Variants in PDZK1 observed in about 807,000 individuals in gnomAD.
PDZK1 encodes Na(+)/H(+) exchange regulatory cofactor NHE-RF3.
A neutral mutation model predicts 38.1 loss-of-function variants in PDZK1; 23 were observed. The ratio of observed to expected loss-of-function variants is 0.60; its 90% confidence interval spans 0.43 to 0.85. PDZK1 has a LOEUF of 0.85. Among genes scored for constraint, PDZK1 ranks in the 40% least tolerant of loss-of-function variants. The pLI is 0.00. For synonymous variants in PDZK1, 98 were observed against 186.2 expected (o/e 0.53, Z 3.86); for missense variants, 297 against 504.3 (o/e 0.59, Z 3.94).
intron 3 of PDZK1, among the ~76,000 whole-genome samples, chr1:145,686,263 G>A (rs1158244814): frequency 6.6e-6 from 1 of 152,102 alleles, no homozygotes; most frequent in Non-Finnish European, 1.5e-5. Context: ...CCCCACTGCT[G>A]TCCAGTGTCC....
chr1:145,687,074 G>A (rs1654838757), intron 2 of PDZK1, among the ~76,000 whole-genome samples: 1 of 152,106 alleles, frequency 6.6e-6, no homozygotes, highest in African/African-American at 2.4e-5. Context: ...CATGCTTTTG[G>A]AGTCAGGCAG....
rs1375750521 is a variant in PDZK1, at chr1:145,697,063, C to T, written c.-2-9040G>A. On this transcript the variant is annotated intron_variant, in intron 1 of 8. Coordinates refer to ENST00000417171, the MANE Select transcript of PDZK1 (RefSeq NM_001201325.2). ...AAAAAGGAGGCTGGATGCGGTGGCT[C>T]ACACCTGTAATTCCAGTACTTTGGG... Among the ~76,000 whole-genome samples, 6 of 152,286 alleles carry T rather than the reference C, an allele frequency of 3.9e-5. No homozygotes were observed. In the East Asian group the frequency reaches 9.6e-4, roughly 24 times the overall value.
intron 3 of PDZK1, among the ~76,000 whole-genome samples, chr1:145,683,304 T>C (rs1654439130): frequency 6.6e-6 from 1 of 152,246 alleles, no homozygotes; most frequent in Admixed American, 6.5e-5. Flanking sequence ...AATGCAAAGA[T>C]GGAATCTTGG....
intron 1 of PDZK1, among the ~76,000 whole-genome samples, chr1:145,697,763 ATTTTTTTTTTTTTTTTTTTTTTTTT>A: frequency 2.2e-5 from 1 of 44,978 alleles, no homozygotes; most frequent in Admixed American, 3.0e-4. Flanking sequence ...TGCCCAGCTA[ATTTTTTTTTTTTTTTTTTTTTTTTT>A]TTTTTTTTTT....
In PDZK1 at chr1:145,672,602, T is replaced by TTATC; in HGVS notation, c.1506+124_1506+127dup. ...CCTCTACAATAACTTGATTTGTTAG[T>TTATC]TATCTTTACATTTTCATTTTCTAGT... On this transcript the variant is annotated intron_variant, in intron 8 of 8. Transcript: ENST00000417171. The TTATC allele has an allele frequency of 5.7e-6, 7 of 1,220,610 alleles. No individual in the cohort carries two copies. The South Asian group carries it at 1.1e-4, about 19-fold the overall frequency. The allele number at this position is 1,220,610 out of a possible 1,614,324, so 75.6% of individuals were successfully genotyped here.
At chr1:145,670,944 A>T (rs1652966347), downstream of PDZK1, 1 of 150,124 alleles carries the variant, frequency 6.7e-6, no homozygotes, top group Admixed American at 6.7e-5. Context: ...AAAGCATAAA[A>T]AGTGAATCCA....
rs74119454 is a variant in PDZK1, at chr1:145,696,642, A to G, written c.-2-8619T>C. On this transcript the variant is annotated intron_variant, in intron 1 of 8. Transcript: ENST00000417171. Reference sequence around the variant, plus strand: ...CCTTGGACTTCCAGCCTCTAGAATCATGAGAAAATAAATGTTATTTAAGCC... The same window carrying G: ...CCTTGGACTTCCAGCCTCTAGAATCGTGAGAAAATAAATGTTATTTAAGCC... Among the ~76,000 whole-genome samples, 141 of 152,324 alleles carry G rather than the reference A, an allele frequency of 9.3e-4. 2 individuals are homozygous for G. Among genetic ancestry groups the G allele is most frequent in the African/African-American group, 3.0e-3 (126 of 41,564 alleles).
intron 4 of PDZK1, among the ~76,000 whole-genome samples, chr1:145,682,008 A>AC (rs1654306815): frequency 9.6e-5 from 8 of 83,306 alleles, no homozygotes; most frequent in Admixed American, 2.3e-4. Context: ...TATCTCTACA[A>AC]AACACACACA....
At chr1:145,687,720 C>A (rs1553702143) in intron 2 of PDZK1, 92 bp downstream of exon 2, 2 of 1,153,246 alleles carry the variant, frequency 1.7e-6, no homozygotes, top group African/African-American at 1.5e-5. Context: ...CAGGAAAGAA[C>A]CAAACTCTAC....
Position 145,671,292 on chromosome 1 carries a change from A to G in PDZK1, c.*144T>C, listed in dbSNP as rs150092133. 10,025 of 1,362,058 alleles carry G rather than the reference A, an allele frequency of 7.4e-3. 563 individuals carry two copies. The African/African-American group carries it at 0.13, about 18-fold the overall frequency. The allele number at this position is 1,362,058 out of a possible 1,614,324, so 84.4% of individuals were successfully genotyped here. On this transcript the variant is annotated 3_prime_UTR_variant, in exon 9 of 9. Transcript: ENST00000417171. ...GTAAGACAAATGATAACAGAAGACA[A>G]TCACACATGGTGAATGGTTTCCAGT...
At chr1:145,676,164 G>A in intron 6 of PDZK1, 1 of 984,752 alleles carries the variant, frequency 1.0e-6, no homozygotes, top group Non-Finnish European at 1.2e-6. Context: ...TTACTTTGGA[G>A]AGCGGGGAAG....
intron 1 of PDZK1, among the ~76,000 whole-genome samples, chr1:145,693,663 A>G (rs927679782): frequency 6.6e-6 from 1 of 151,572 alleles, no homozygotes; most frequent in Non-Finnish European, 1.5e-5. Context: ...GGTCCCAGCT[A>G]CTCGGGAGGC....
chr1:145,693,116 C>T (rs911980359), intron 1 of PDZK1, among the ~76,000 whole-genome samples: 10 of 152,138 alleles, frequency 6.6e-5, no homozygotes, highest in Admixed American at 3.9e-4. Flanking sequence ...ATGGCAACTC[C>T]TTGAGGAGTG....
At chr1:145,700,488 A>G (rs901939866) in intron 1 of PDZK1, among the ~76,000 whole-genome samples, 1 of 152,190 alleles carries the variant, frequency 6.6e-6, no homozygotes, top group Admixed American at 6.5e-5. Context: ...CCTTAGCTAT[A>G]GATACCTGGC....
chr1:145,689,911 A>G (rs150647969), intron 1 of PDZK1, among the ~76,000 whole-genome samples: 31 of 152,296 alleles, frequency 2.0e-4, no homozygotes, highest in Non-Finnish European at 4.0e-4. Flanking sequence ...CAGCTGCCCA[A>G]TACCAGGCCT....
At chr1:145,677,647 G>A (rs1355470852) in intron 6 of PDZK1, among the ~76,000 whole-genome samples, 2 of 151,756 alleles carry the variant, frequency 1.3e-5, no homozygotes, top group African/African-American at 2.4e-5. Flanking sequence ...ACCACCTTCA[G>A]TCTTTACTAA....
intron 3 of PDZK1, among the ~76,000 whole-genome samples, chr1:145,683,679 A>G (rs1654474515): frequency 6.6e-6 from 1 of 151,992 alleles, no homozygotes; most frequent in South Asian, 2.1e-4. Context: ...ACCGAACCCT[A>G]TATGTTTTTT....
intron 1 of PDZK1, among the ~76,000 whole-genome samples, chr1:145,696,474 G>T (rs1157583911): frequency 6.6e-6 from 1 of 152,150 alleles, no homozygotes; most frequent in Non-Finnish European, 1.5e-5. Flanking sequence ...AGGTCATAAG[G>T]GTGGGACCCT....
chr1:145,697,358 GAA>G (rs1553704300), intron 1 of PDZK1, among the ~76,000 whole-genome samples: 1 of 151,726 alleles, frequency 6.6e-6, no homozygotes, highest in Non-Finnish European at 1.5e-5. Flanking sequence ...GGGAAAGAGA[GAA>G]AGAGAAAGAG....
Sources: gnomAD v4.1 joint callset for allele counts (sites outside exome capture counted in the v4.1 genomes callset) on GRCh38, gnomAD v4.1.1 for gene constraint, MANE v1.5 for transcripts, NCBI Gene and HGNC (gene_info 2026-07-23, HGNC 2026-07-21) for gene names.